SCP2: variants seen among roughly 807,000 people sequenced by gnomAD.
The protein encoded by SCP2 is sterol carrier protein 2.
In SCP2, 48 loss-of-function variants were observed where a neutral mutation model predicts 71.4. That is an observed-to-expected ratio of 0.67 (90% CI 0.53 to 0.86). SCP2 has a LOEUF of 0.86. Among genes scored for constraint, SCP2 ranks in the 40% least tolerant of loss-of-function variants. SCP2 has a pLI of 0.00. For missense variants in SCP2, 560 were observed against 655.6 expected (o/e 0.85, Z 1.59); for synonymous variants, 220 against 218.1 (o/e 1.01, Z -0.08).
rs550373866 is a variant in SCP2, at chr1:53,011,766, C to G, written c.1082-3124C>G. On this transcript the variant is annotated intron_variant, in intron 11 of 15. Coordinates refer to ENST00000371514, the MANE Select transcript of SCP2 (RefSeq NM_002979.5). ...ACCTCATCGGTATCTGTAAAAGAAT[C>G]GATTTGCTATTTGGGGGAAGCCCTC... 3.3e-5 allele frequency among the ~76,000 whole-genome samples: 5 copies of G among 152,242 alleles called. No individual in the cohort carries two copies. In the South Asian group the frequency reaches 1.0e-3, roughly 32 times the overall value.
At chr1:53,033,159 T>A (rs947802903) in intron 13 of SCP2, among the ~76,000 whole-genome samples, 1 of 152,224 alleles carries the variant, frequency 6.6e-6, no homozygotes, top group Admixed American at 6.5e-5. Context: ...AAGTAGTCCC[T>A]GACTAAATAT....
chr1:53,018,868 C>G (rs1195199798), intron 12 of SCP2, among the ~76,000 whole-genome samples: 1 of 152,064 alleles, frequency 6.6e-6, no homozygotes, highest in Non-Finnish European at 1.5e-5. Flanking sequence ...TATTTTTTCT[C>G]CCTGTCAGGA....
chr1:52,951,709 T>C (rs1435969417), intron 4 of SCP2, among the ~76,000 whole-genome samples: 1 of 151,872 alleles, frequency 6.6e-6, no homozygotes, highest in East Asian at 1.9e-4. Flanking sequence ...ATCACCACTA[T>C]GTAATATTAG....
At chr1:53,012,414 T>TTCTC (rs34035303) in intron 11 of SCP2, among the ~76,000 whole-genome samples, 1 of 152,256 alleles carries the variant, frequency 6.6e-6, no homozygotes, top group Non-Finnish European at 1.5e-5. Flanking sequence ...TTCTGAATGC[T>TTCTC]CCTATGTATA....
chr1:52,956,085 C>G (rs1191203358), intron 5 of SCP2, among the ~76,000 whole-genome samples: 1 of 152,140 alleles, frequency 6.6e-6, no homozygotes, highest in South Asian at 2.1e-4. Flanking sequence ...GGGCGGATCA[C>G]TTGAGGCCAG....
Position 52,950,851 on chromosome 1 carries a change from C to T in SCP2, c.296C>T (p.Thr99Ile). The T allele has an allele frequency of 1.2e-6, 2 of 1,614,090 alleles. No homozygotes were observed. The highest frequency in any genetic ancestry group is 1.7e-6 in the Non-Finnish European group (2 of 1,179,974). Reference sequence around the variant, plus strand: ...AACAATAACTGTGCTACTGGTTCTACTGCTTTGTTTATGGCCCGCCAGCTG... The same window carrying T: ...AACAATAACTGTGCTACTGGTTCTATTGCTTTGTTTATGGCCCGCCAGCTG... The part of the protein sequence containing the change: ...NVNNNCATGS[T>I]ALFMARQLIQ... The change falls in exon 4 of 16, where the codon ACT becomes ATT. Residue 99 changes from threonine to isoleucine, a missense_variant. Physicochemically the swap from Thr to Ile is moderately conservative, Grantham distance 89 (BLOSUM62 -1). Transcript: ENST00000371514.
At chr1:52,983,391 T>G (rs1658699902) in intron 10 of SCP2, among the ~76,000 whole-genome samples, 1 of 152,216 alleles carries the variant, frequency 6.6e-6, no homozygotes, top group South Asian at 2.1e-4. Context: ...AGCCATTATT[T>G]CTTTAAATGT....
At chr1:52,929,289 C>G (rs920110558) in intron 1 of SCP2, among the ~76,000 whole-genome samples, 2 of 151,220 alleles carry the variant, frequency 1.3e-5, no homozygotes, top group Non-Finnish European at 2.9e-5. Context: ...CCTTGAACTC[C>G]TGGACTCTAG....
intron 11 of SCP2, chr1:52,995,175 G>C: frequency 2.0e-6 from 1 of 491,698 alleles, no homozygotes; most frequent in Non-Finnish European, 4.1e-6. Context: ...TTATCAGCAA[G>C]ATCCGAGAAG....
intron 5 of SCP2, among the ~76,000 whole-genome samples, chr1:52,960,718 G>A (rs1312476359): frequency 4.9e-5 from 5 of 101,924 alleles, no homozygotes; most frequent in Admixed American, 8.6e-5. Flanking sequence ...TATTATGTGC[G>A]TGTGTGTGTG....
chr1:52,992,040 G>T (rs945501736), intron 11 of SCP2, among the ~76,000 whole-genome samples: 4 of 152,138 alleles, frequency 2.6e-5, no homozygotes, highest in South Asian at 2.1e-4. Flanking sequence ...TCAATATCTA[G>T]CAGGGAATAC....
intron 1 of SCP2, among the ~76,000 whole-genome samples, chr1:52,936,342 A>G (rs1389107272): frequency 6.6e-6 from 1 of 152,220 alleles, no homozygotes; most frequent in East Asian, 1.9e-4. Flanking sequence ...AGGGGTCCTG[A>G]GACTAAGAAG....
chr1:53,050,739 G>T lies in SCP2; in HGVS notation c.*35G>T. 1 of 1,296,542 alleles carries T rather than the reference G, an allele frequency of 7.7e-7. No homozygotes were observed. Among genetic ancestry groups the T allele is most frequent in the South Asian group, 1.2e-5 (1 of 84,556 alleles). 80.3% of individuals were successfully genotyped at this position (1,296,542 alleles called of 1,614,324 possible). A position where few individuals can be genotyped will look rare whatever the true frequency, so the allele number is the denominator to read the frequency against. On this transcript the variant is annotated 3_prime_UTR_variant, in exon 16 of 16. Coordinates refer to ENST00000371514, the MANE Select transcript of SCP2 (RefSeq NM_002979.5). Reference sequence around the variant, plus strand: ...TTTGGCTACTTTTGAAAATCAAGATGAGATATATAGATATATATCCATACA... The same window carrying T: ...TTTGGCTACTTTTGAAAATCAAGATTAGATATATAGATATATATCCATACA...
intron 13 of SCP2, among the ~76,000 whole-genome samples, chr1:53,029,418 T>C (rs967269155): frequency 2.0e-5 from 3 of 152,176 alleles, no homozygotes; most frequent in Non-Finnish European, 4.4e-5. Context: ...CGTGAGCCTC[T>C]GCCTGGATGT....
intron 2 of SCP2, among the ~76,000 whole-genome samples, chr1:52,946,780 G>C (rs899238435): frequency 6.7e-6 from 1 of 150,028 alleles, no homozygotes; most frequent in African/African-American, 2.5e-5. Flanking sequence ...AAAAAAGCCA[G>C]GCTTGGTGGC....
At chr1:53,028,289 C>T (rs968222287) in intron 13 of SCP2, among the ~76,000 whole-genome samples, 2 of 152,170 alleles carry the variant, frequency 1.3e-5, no homozygotes, top group African/African-American at 4.8e-5. Context: ...AGCTAAAGAA[C>T]TATAATAAAT....
At chr1:53,019,999 G>A (rs1044927768) in intron 12 of SCP2, among the ~76,000 whole-genome samples, 1 of 152,118 alleles carries the variant, frequency 6.6e-6, no homozygotes, top group African/African-American at 2.4e-5. Context: ...CAATTCTTGT[G>A]CCTAAGCCTC....
At chr1:52,974,684 G>A (rs1173374379) in intron 6 of SCP2, 85 bp from the exon 7 acceptor site, 2 of 787,932 alleles carry the variant, frequency 2.5e-6, no homozygotes, top group African/African-American at 3.4e-5. Flanking sequence ...GAGATATTTA[G>A]CAGAACACTG....
At position 53,047,902 on chromosome 1, in the gene SCP2, C is replaced by T; in HGVS notation, c.1513C>T (p.Leu505=). ...AATCACAATGGCTGACTCAGACTTC[C>T]TGGCTTTAATGACTGGTAAAATGAA... is the stretch of plus-strand genomic sequence containing the variant. ...CTITMADSDF[L]ALMTGKMNPQ... is the part of the protein sequence containing the mutation. The change falls in exon 15 of 16, where the codon CTG becomes TTG. Residue 505 remains leucine, a synonymous_variant. Coordinates refer to ENST00000371514, the MANE Select transcript of SCP2 (RefSeq NM_002979.5). The T allele has an allele frequency of 1.2e-6, 2 of 1,613,658 alleles. No homozygotes were observed. Among genetic ancestry groups the T allele is most frequent in the Non-Finnish European group, 1.7e-6 (2 of 1,179,570 alleles).
Sources: allele counts gnomAD v4.1 joint callset (sites outside exome capture counted in the v4.1 genomes callset), GRCh38; gene constraint gnomAD v4.1.1; transcripts MANE v1.5; gene names NCBI Gene and HGNC (gene_info 2026-07-23, HGNC 2026-07-21).